CHST11: variants seen among roughly 807,000 people sequenced by gnomAD.
CHST11 encodes the protein C4S-1.
In CHST11, 9 loss-of-function variants were observed where a neutral mutation model predicts 30.4. The observed-to-expected ratio is 0.30, with a 90% CI of 0.18 to 0.52. The LOEUF is 0.52. CHST11 is among the 20% of genes least tolerant of loss of function. CHST11 has a pLI of 0.97. For missense variants in CHST11, 348 were observed against 460.6 expected, an observed-to-expected ratio of 0.76 and a Z score of 2.24; for synonymous variants, 152 against 187.8, an observed-to-expected ratio of 0.81 and a Z score of 1.56.
intron 1 of CHST11, among the ~76,000 whole-genome samples, chr12:104,559,578 A>C (rs1448613897): frequency 6.6e-6 from 1 of 152,050 alleles, no homozygotes; most frequent in African/African-American, 2.4e-5. Context: ...CCCCCTCTCT[A>C]CTAAAAATAC....
At chr12:104,720,364 G>T (rs1592857517) in intron 2 of CHST11, among the ~76,000 whole-genome samples, 2 of 152,374 alleles carry the variant, frequency 1.3e-5, no homozygotes, top group South Asian at 2.1e-4. Context: ...GATCGTGAGA[G>T]GCAGGGCTGG....
chr12:104,635,408 A>T (rs992759133), intron 2 of CHST11, among the ~76,000 whole-genome samples: 5 of 152,242 alleles, frequency 3.3e-5, no homozygotes, highest in Admixed American at 6.5e-5. Context: ...GTGTTTTGAT[A>T]TAAACCCAGA....
rs143457036 is a variant in CHST11 at position 104,461,358 on chromosome 12, A to T, written c.118+3829A>T. Among the ~76,000 whole-genome samples, 1,033 of 152,220 alleles carry T rather than the reference A, an allele frequency of 6.8e-3. 44 individuals are homozygous for T. The highest frequency in any genetic ancestry group is 0.061 in the Admixed American group (938 of 15,296). ...TATTCCTAAAGCTAGGGAGAATGGA[A>T]CCATATACCTGTGATTTCTACACAG... On this transcript the variant is annotated intron_variant, in intron 1 of 2. Transcript: ENST00000303694.
At chr12:104,514,826 T>C (rs952691903) in intron 1 of CHST11, among the ~76,000 whole-genome samples, 9 of 152,176 alleles carry the variant, frequency 5.9e-5, no homozygotes, top group African/African-American at 1.9e-4. Flanking sequence ...ATGTCCAACA[T>C]TGGTGATCAC....
chr12:104,729,139 A>C lies in CHST11; in HGVS notation c.205-27810A>C, dbSNP rs2040237205. On this transcript the variant is annotated intron_variant, in intron 2 of 2. Coordinates refer to ENST00000303694, the MANE Select transcript of CHST11 (RefSeq NM_018413.6). The surrounding 1 kb of genome is among the most constrained non-coding windows in gnomAD (Gnocchi z 4.0). Reference sequence around the variant, plus strand: ...TTAAGGATAACAGCAAGCAGGAAACAAAAGAGACAGAAAAAACACAGAGGC... The same window carrying C: ...TTAAGGATAACAGCAAGCAGGAAACCAAAGAGACAGAAAAAACACAGAGGC... Among the ~76,000 whole-genome samples the C allele has an allele frequency of 6.6e-6, 1 of 152,208 alleles. No homozygotes were observed. The highest frequency in any genetic ancestry group is 2.4e-5 in the African/African-American group (1 of 41,444).
chr12:104,570,863 G>C (rs1015515854), intron 1 of CHST11, among the ~76,000 whole-genome samples: 2 of 151,954 alleles, frequency 1.3e-5, no homozygotes, highest in Admixed American at 1.3e-4. Context: ...GCTATTTTTT[G>C]TATTTTTAGT....
At chr12:104,733,369 A>G (rs2040272772) in intron 2 of CHST11, among the ~76,000 whole-genome samples, 1 of 152,190 alleles carries the variant, frequency 6.6e-6, no homozygotes. Context: ...GGAGGCAGTA[A>G]CACTGACTGT....
chr12:104,682,834 G>C (rs1041612647), intron 2 of CHST11, among the ~76,000 whole-genome samples: 1 of 152,164 alleles, frequency 6.6e-6, no homozygotes, highest in Admixed American at 6.6e-5. Context: ...TGAGAATCAG[G>C]TTCCAGATTT....
intron 2 of CHST11, among the ~76,000 whole-genome samples, chr12:104,636,482 G>A (rs578013277): frequency 2.6e-5 from 4 of 152,330 alleles, no homozygotes; most frequent in African/African-American, 9.6e-5. Flanking sequence ...CCCTTTAGGT[G>A]CGCTCTGGTA....
At chr12:104,597,477 GA>G (rs375108028) in intron 1 of CHST11, among the ~76,000 whole-genome samples, 147 of 150,108 alleles carry the variant, frequency 9.8e-4, no homozygotes, top group African/African-American at 3.4e-3. Flanking sequence ...TTTTTCAAAG[GA>G]AAAAAAAATA....
chr12:104,512,023 T>C (rs1314061633), intron 1 of CHST11, among the ~76,000 whole-genome samples: 1 of 152,220 alleles, frequency 6.6e-6, no homozygotes, highest in Non-Finnish European at 1.5e-5. Context: ...AAATGCTATG[T>C]GAGTAGTTGT....
intron 1 of CHST11, among the ~76,000 whole-genome samples, chr12:104,546,354 G>C (rs934081931): frequency 1.0e-5 from 1 of 99,698 alleles, no homozygotes; most frequent in Non-Finnish European, 2.2e-5. Flanking sequence ...TGTAGTCCCA[G>C]CTACATGGGA....
chr12:104,480,068 T>C (rs1224125534), intron 1 of CHST11, among the ~76,000 whole-genome samples: 3 of 152,186 alleles, frequency 2.0e-5, no homozygotes, highest in African/African-American at 7.2e-5. Flanking sequence ...GAATGGATAT[T>C]GGGGGTCAAC....
chr12:104,569,049 T>C (rs1173538331), intron 1 of CHST11, among the ~76,000 whole-genome samples: 3 of 152,136 alleles, frequency 2.0e-5, no homozygotes, highest in Non-Finnish European at 2.9e-5. Context: ...GAGAGGTAAG[T>C]ATTATTATTT....
At position 104,457,457 on chromosome 12, in the gene CHST11, C is replaced by G. The variant is rs774546652; in HGVS notation, c.46C>G (p.Arg16Gly). Residue 16 changes from arginine (R) to glycine (G), a missense_variant, in exon 1 of 3, where the codon CGG (arginine) becomes GGG (glycine). By Grantham distance (125) the Arg-to-Gly change is moderately radical (BLOSUM62 -2). Coordinates refer to ENST00000303694, the MANE Select transcript of CHST11 (RefSeq NM_018413.6). ...AGTGATGAGGATGAACAGAATCTGC[C>G]GGATGGTGCTGGCCACTTGCTTGGG... is the stretch of plus-strand genomic sequence containing the variant. The part of the protein sequence containing the change: ...LEVMRMNRIC[R>G]MVLATCLGSF... 5.6e-6 allele frequency: 9 copies of G among 1,614,160 alleles called. No individual in the cohort carries two copies. In the South Asian group the frequency reaches 8.8e-5, roughly 16 times the overall value.
At chr12:104,598,355 A>G (rs1566001849) in intron 1 of CHST11, among the ~76,000 whole-genome samples, 1 of 152,210 alleles carries the variant, frequency 6.6e-6, no homozygotes, top group Non-Finnish European at 1.5e-5. Flanking sequence ...TTCGCACAGC[A>G]TCAGCAGTAG....
intron 1 of CHST11, among the ~76,000 whole-genome samples, chr12:104,536,902 G>T (rs891009984): frequency 6.6e-6 from 1 of 152,156 alleles, no homozygotes; most frequent in African/African-American, 2.4e-5. Context: ...AGGGATAGTT[G>T]TGCAGCACTA....
At chr12:104,484,574 G>A (rs992955599) in intron 1 of CHST11, among the ~76,000 whole-genome samples, 1 of 152,194 alleles carries the variant, frequency 6.6e-6, no homozygotes, top group Admixed American at 6.5e-5. Flanking sequence ...GCAGGGTTAT[G>A]GTGAGGTCTA....
chr12:104,629,007 G>A (rs753105660), intron 2 of CHST11, among the ~76,000 whole-genome samples: 1 of 152,170 alleles, frequency 6.6e-6, no homozygotes, highest in Non-Finnish European at 1.5e-5. Flanking sequence ...TCAGGGTGAG[G>A]ATAACGGCAC....
Sources: allele counts gnomAD v4.1 joint callset (sites outside exome capture counted in the v4.1 genomes callset), GRCh38; gene constraint gnomAD v4.1.1; non-coding constraint Gnocchi (gnomAD v3.1); transcripts MANE v1.5; gene names NCBI Gene and HGNC (gene_info 2026-07-23, HGNC 2026-07-21).